Variants in IHO1 observed in about 807,000 individuals in gnomAD.
IHO1 encodes interactor of HORMAD1 1.
In IHO1, 13 loss-of-function variants were observed where a neutral mutation model predicts 31.0. That is an observed-to-expected ratio of 0.42 (90% CI 0.27 to 0.67). IHO1 has a LOEUF of 0.67. Among genes scored for constraint, IHO1 ranks in the 30% least tolerant of loss-of-function variants. The pLI is 0.24. For missense variants in IHO1, 599 were observed against 687.5 expected, an observed-to-expected ratio of 0.87 and a Z score of 1.44; for synonymous variants, 221 against 248.4, an observed-to-expected ratio of 0.89 and a Z score of 1.04.
upstream of IHO1, among the ~76,000 whole-genome samples, chr3:49,197,041 C>T (rs1164608808): frequency 7.5e-6 from 1 of 133,090 alleles, no homozygotes; most frequent in Non-Finnish European, 1.6e-5. Context: ...AGTGCCGTGG[C>T]GCCATCTCGG....
chr3:49,200,513 AAG>A (rs1270309936), intron 1 of IHO1: 1 of 933,020 alleles, frequency 1.1e-6, no homozygotes, highest in African/African-American at 1.9e-5. Context: ...GAAAGAAAGA[AAG>A]AAAAGAAAAA....
At chr3:49,225,458 G>A (rs1051416953) in intron 2 of IHO1, among the ~76,000 whole-genome samples, 3 of 150,932 alleles carry the variant, frequency 2.0e-5, no homozygotes, top group Admixed American at 6.6e-5. Flanking sequence ...GTGAGACTCC[G>A]TCTCAAAAAA....
the IHO1 span, chr3:49,191,767 T>C: frequency 6.4e-7 from 1 of 1,568,952 alleles, no homozygotes. Context: ...TAAAGCACTT[T>C]GCATCTTTCC....
chr3:49,207,089 G>C (rs1422391676), intron 1 of IHO1, among the ~76,000 whole-genome samples: 1 of 150,838 alleles, frequency 6.6e-6, no homozygotes, highest in African/African-American at 2.4e-5. Context: ...AAAATGTGTG[G>C]AATACAGGTG....
intron 6 of IHO1, among the ~76,000 whole-genome samples, chr3:49,255,010 C>T (rs78744979): frequency 0.018 from 2,714 of 151,762 alleles, 92 homozygotes; most frequent in African/African-American, 0.063. Context: ...TTGCAGTGAA[C>T]CAAGATCGCA....
At chr3:49,210,627 G>A (rs1411202681) in intron 1 of IHO1, among the ~76,000 whole-genome samples, 2 of 151,052 alleles carry the variant, frequency 1.3e-5, no homozygotes, top group Non-Finnish European at 2.9e-5. Context: ...TCAAACTCCT[G>A]ACCTCAAATG....
intron 2 of IHO1, among the ~76,000 whole-genome samples, chr3:49,220,457 T>G (rs547780199): frequency 6.6e-6 from 1 of 152,310 alleles, no homozygotes; most frequent in East Asian, 1.9e-4. Context: ...TGTCCGGAGT[T>G]TGTTCCTTCA....
upstream of IHO1, among the ~76,000 whole-genome samples, chr3:49,194,942 T>C (rs1281368304): frequency 6.6e-6 from 1 of 151,422 alleles, no homozygotes; most frequent in Non-Finnish European, 1.5e-5. Flanking sequence ...AACAATGCTA[T>C]GATTTATGGA....
At chr3:49,232,835 G>GAGA (rs1465128576) in intron 2 of IHO1, among the ~76,000 whole-genome samples, 1 of 152,200 alleles carries the variant, frequency 6.6e-6, no homozygotes, top group African/African-American at 2.4e-5. Flanking sequence ...GGCTGACACA[G>GAGA]AGAACAATTA....
At chr3:49,246,145 G>A (rs1372379822) in intron 6 of IHO1, among the ~76,000 whole-genome samples, 1 of 142,222 alleles carries the variant, frequency 7.0e-6, no homozygotes, top group Non-Finnish European at 1.5e-5. Context: ...TGGCGCCACT[G>A]CACTCCAGCC....
Position 49,256,637 on chromosome 3 carries a change from C to T in IHO1, c.1140C>T (p.Pro380=), listed in dbSNP as rs1222581212. The change falls in exon 8 of 8, where the codon CCC becomes CCT. Residue 380 remains proline (P), a synonymous_variant. Coordinates refer to ENST00000452691, the MANE Select transcript of IHO1 (RefSeq NM_001135197.2). This position sits in a 1 kb window ranked among gnomAD's most constrained non-coding sequence, Gnocchi z 4.6. ...HGSSVPGHKI[P]SDRDLVSQGA... is the part of the protein sequence containing the mutation. ...CCAGCGTCCCAGGCCATAAGATTCC[C>T]AGTGACAGGGACCTGGTTTCCCAAG... 3 of 1,614,092 alleles carry T rather than the reference C, an allele frequency of 1.9e-6. No individual in the cohort carries two copies. In the African/African-American group the frequency reaches 4.0e-5, roughly 22 times the overall value.
intron 1 of IHO1, among the ~76,000 whole-genome samples, chr3:49,204,949 A>G (rs1225115172): frequency 6.6e-6 from 1 of 151,490 alleles, no homozygotes; most frequent in African/African-American, 2.4e-5. Flanking sequence ...AATCACTTGA[A>G]CCCGGAAGGC....
chr3:49,217,974 G>A lies in IHO1; in HGVS notation c.56+6138G>A, dbSNP rs74809660. ...ATGCTGAAGTCCAAGGGGAGTGGGT[G>A]GATAAGCAGAAAGAACATTTGGGGG... is the stretch of plus-strand genomic sequence containing the variant. On this transcript the variant is annotated intron_variant, in intron 2 of 7. Coordinates refer to ENST00000452691, the MANE Select transcript of IHO1 (RefSeq NM_001135197.2). Among the ~76,000 whole-genome samples the A allele has an allele frequency of 3.0e-3, 464 of 152,328 alleles. 2 individuals carry two copies. Among genetic ancestry groups the A allele is most frequent in the African/African-American group, 0.011 (451 of 41,568 alleles).
chr3:49,213,025 G>T (rs1440162266), intron 2 of IHO1, among the ~76,000 whole-genome samples: 3 of 152,186 alleles, frequency 2.0e-5, no homozygotes, highest in Non-Finnish European at 4.4e-5. Context: ...TGATTGGTGT[G>T]TTCACAATCC....
chr3:49,224,502 T>C (rs2107703574), intron 2 of IHO1, among the ~76,000 whole-genome samples: 1 of 152,376 alleles, frequency 6.6e-6, no homozygotes, highest in East Asian at 1.9e-4. Flanking sequence ...AGCATGGGCA[T>C]GTAGGATTAG....
chr3:49,198,429 CT>C, upstream of IHO1: 1 of 152,506 alleles, frequency 6.6e-6, no homozygotes, highest in Non-Finnish European at 1.5e-5. Flanking sequence ...TCCTTGGCTG[CT>C]TTTCCTTCAT....
chr3:49,236,421 G>A, intron 2 of IHO1, 127 bp from the exon 3 acceptor site: 2 of 639,722 alleles, frequency 3.1e-6, no homozygotes, highest in South Asian at 4.1e-5. Flanking sequence ...ACAATATACA[G>A]GGGACTTGAA....
rs757578381 is a variant in IHO1, at chr3:49,251,184, G to A, written c.533-4206G>A. ...CACACAGGCTGGAGTGCAGTGGTGC[G>A]ATCTCAGCTCACTGCAACCTCCCCT... On this transcript the variant is annotated intron_variant, in intron 6 of 7. Transcript: ENST00000452691. 2.0e-4 allele frequency among the ~76,000 whole-genome samples: 30 copies of A among 150,822 alleles called. No individual in the cohort carries two copies. In the East Asian group the frequency reaches 5.5e-3, roughly 28 times the overall value.
upstream of IHO1, among the ~76,000 whole-genome samples, chr3:49,194,134 G>A (rs961130221): frequency 1.3e-5 from 2 of 149,540 alleles, no homozygotes; most frequent in African/African-American, 4.9e-5. Flanking sequence ...CAGGTGCGGT[G>A]GCAGGCACCT....
Sources: gnomAD v4.1 joint callset for allele counts (sites outside exome capture counted in the v4.1 genomes callset) on GRCh38, gnomAD v4.1.1 for gene constraint, Gnocchi (gnomAD v3.1) non-coding constraint, MANE v1.5 for transcripts, NCBI Gene and HGNC (gene_info 2026-07-23, HGNC 2026-07-21) for gene names.